The following ZBTB20 variants were observed in gnomAD, a reference collection of about 807,000 sequenced individuals.
The protein encoded by ZBTB20 is zinc finger and BTB domain-containing protein 20.
In ZBTB20, 9 loss-of-function variants were observed where a neutral mutation model predicts 56.9. The ratio of observed to expected loss-of-function variants is 0.16; its 90% CI spans 0.10 to 0.28. The LOEUF (loss-of-function observed/expected upper bound fraction) is 0.28. ZBTB20 is among the 10% of genes least tolerant of loss of function. The pLI is 1.00. For missense variants in ZBTB20, 655 were observed against 1,003.0 expected (o/e 0.65, Z 4.69); for synonymous variants, 417 against 420.7 (o/e 0.99, Z 0.11).
chr3:114,682,882 T>C (rs2062068367), intron 6 of ZBTB20, among the ~76,000 whole-genome samples: 1 of 152,202 alleles, frequency 6.6e-6, no homozygotes, highest in South Asian at 2.1e-4. Flanking sequence ...TCTCTTGGCT[T>C]TGAGCTTGGT....
At chr3:114,389,822 G>T (rs2085628302) in intron 7 of ZBTB20, among the ~76,000 whole-genome samples, 3 of 145,992 alleles carry the variant, frequency 2.1e-5, no homozygotes, top group South Asian at 2.2e-4. Context: ...CCGGGAGGCG[G>T]AGGTTGCAGT....
intron 1 of ZBTB20, among the ~76,000 whole-genome samples, chr3:115,129,967 C>T (rs1236633154): frequency 6.7e-6 from 1 of 149,718 alleles, no homozygotes; most frequent in Non-Finnish European, 1.5e-5. Context: ...CTTAATATCA[C>T]ACACACAGCT....
At chr3:114,924,858 T>C (rs1173865929) in intron 3 of ZBTB20, among the ~76,000 whole-genome samples, 1 of 152,108 alleles carries the variant, frequency 6.6e-6, no homozygotes, top group East Asian at 1.9e-4. Context: ...ATAATTTCTA[T>C]TGATCTATCT....
intron 6 of ZBTB20, among the ~76,000 whole-genome samples, chr3:114,586,380 CT>C (rs1405362951): frequency 3.3e-5 from 5 of 152,286 alleles, no homozygotes; most frequent in African/African-American, 1.2e-4. Context: ...ATACCTTGCC[CT>C]TTTGCTCTGG....
chr3:115,041,175 G>A (rs1028346594), intron 2 of ZBTB20, among the ~76,000 whole-genome samples: 7 of 152,046 alleles, frequency 4.6e-5, no homozygotes, highest in South Asian at 2.1e-4. Context: ...GTTGCCATTC[G>A]TCTTTAAATA....
chr3:114,821,888 T>C (rs1352297822), intron 4 of ZBTB20, among the ~76,000 whole-genome samples: 3 of 152,152 alleles, frequency 2.0e-5, no homozygotes, highest in Non-Finnish European at 4.4e-5. Context: ...AGATAATTTT[T>C]CTTTTAAATT....
At chr3:115,146,548 GGA>G (rs2084980419) in intron 1 of ZBTB20, among the ~76,000 whole-genome samples, 1 of 152,062 alleles carries the variant, frequency 6.6e-6, no homozygotes, top group Admixed American at 6.5e-5. Flanking sequence ...AGAGAAAGAA[GGA>G]AAGGTGTGTC....
intron 2 of ZBTB20, among the ~76,000 whole-genome samples, chr3:115,006,579 T>G (rs1576546346): frequency 6.6e-6 from 1 of 151,756 alleles, no homozygotes; most frequent in Middle Eastern, 3.4e-3. Flanking sequence ...ATCTTCCTCC[T>G]TGGCAAAAAT....
chr3:114,619,418 T>C lies in ZBTB20; in HGVS notation c.-295+74110A>G, dbSNP rs150310931. On this transcript the variant is annotated intron_variant, in intron 6 of 11. Transcript: ENST00000675478. ...TTGGTTTAGGGGACAGAATGAGATATAGTTTGGGGATTGCTAAGTTGATTG... is the reference window on the plus strand; with the variant it reads ...TTGGTTTAGGGGACAGAATGAGATACAGTTTGGGGATTGCTAAGTTGATTG... Among the ~76,000 whole-genome samples the C allele has an allele frequency of 8.0e-3, 1,224 of 152,196 alleles. 8 individuals are homozygous for C. Among genetic ancestry groups the C allele is most frequent in the Non-Finnish European group, 0.014 (938 of 68,000 alleles).
chr3:114,558,411 T>C (rs2051539129), intron 6 of ZBTB20, among the ~76,000 whole-genome samples: 1 of 152,114 alleles, frequency 6.6e-6, no homozygotes, highest in South Asian at 2.1e-4. Context: ...CACAATTCCT[T>C]TTCCCCTTCC....
At chr3:115,132,223 T>G (rs868632036) in intron 1 of ZBTB20, among the ~76,000 whole-genome samples, 5 of 152,188 alleles carry the variant, frequency 3.3e-5, no homozygotes, top group Non-Finnish European at 5.9e-5. Context: ...TTTGTTTTCA[T>G]ATAGTTCCTG....
Position 114,325,028 on chromosome 3 carries a change from C to G in ZBTB20, c.*13977G>C, listed in dbSNP as rs1284634110. ...AATATCAAGTTACCATAGATTTTCT[C>G]TATCATATCAGCTTCTCACCTTTGT... On this transcript the variant is annotated 3_prime_UTR_variant, in exon 12 of 12. Coordinates refer to ENST00000675478, the MANE Select transcript of ZBTB20 (RefSeq NM_001348800.3). 6.6e-6 allele frequency: 1 copy of G among 152,188 alleles called. No individual in the cohort carries two copies. Among genetic ancestry groups the G allele is most frequent in the African/African-American group, 2.4e-5 (1 of 41,446 alleles). The allele number at this position is 152,188 out of a possible 1,614,324, so 9.4% of individuals were successfully genotyped here.
intron 10 of ZBTB20, among the ~76,000 whole-genome samples, chr3:114,353,821 T>C (rs116133218): frequency 2.0e-3 from 310 of 152,326 alleles, no homozygotes; most frequent in African/African-American, 7.1e-3. Context: ...AAGTAGATGA[T>C]ATTATTCCCA....
At chr3:114,699,282 T>G (rs1354253944) in intron 5 of ZBTB20, among the ~76,000 whole-genome samples, 1 of 152,136 alleles carries the variant, frequency 6.6e-6, no homozygotes, top group African/African-American at 2.4e-5. Context: ...GTAATTCATC[T>G]TTTAAAAAAT....
chr3:114,811,456 C>T (rs1398455605), intron 4 of ZBTB20, among the ~76,000 whole-genome samples: 1 of 152,134 alleles, frequency 6.6e-6, no homozygotes, highest in Non-Finnish European at 1.5e-5. Flanking sequence ...TAACTCCTAT[C>T]ACATGAAAAG....
intron 1 of ZBTB20, among the ~76,000 whole-genome samples, chr3:115,098,531 G>A (rs566236891): frequency 3.6e-4 from 54 of 152,082 alleles, no homozygotes; most frequent in Non-Finnish European, 5.1e-4. Flanking sequence ...AATCTCCGAC[G>A]GGACCTGATT....
chr3:114,964,583 G>A (rs1342673406), intron 3 of ZBTB20, among the ~76,000 whole-genome samples: 2 of 152,170 alleles, frequency 1.3e-5, no homozygotes, highest in Admixed American at 1.3e-4. Context: ...ACTATAGCAG[G>A]CTAAATGAAC....
At chr3:114,476,010 T>A (rs1030438392) in intron 7 of ZBTB20, among the ~76,000 whole-genome samples, 1 of 152,170 alleles carries the variant, frequency 6.6e-6, no homozygotes, top group Non-Finnish European at 1.5e-5. Flanking sequence ...AATTAAGATA[T>A]GTTCATGATA....
intron 6 of ZBTB20, among the ~76,000 whole-genome samples, chr3:114,546,804 T>C (rs13063432): frequency 0.16 from 24,068 of 152,130 alleles, 2,132 homozygotes; most frequent in Middle Eastern, 0.2. Flanking sequence ...CAAAAGTGTG[T>C]ACACACAGTG....
Sources: gnomAD v4.1 joint callset for allele counts (sites outside exome capture counted in the v4.1 genomes callset) on GRCh38, gnomAD v4.1.1 for gene constraint, MANE v1.5 for transcripts, NCBI Gene and HGNC (gene_info 2026-07-23, HGNC 2026-07-21) for gene names.